RFX2: variants seen among roughly 807,000 people sequenced by gnomAD.
RFX2 encodes the protein regulatory factor X2.
Under a neutral mutation model 87.8 loss-of-function variants are expected in RFX2, and 20 were observed. The observed-to-expected ratio is 0.23, with a 90% CI of 0.16 to 0.33. RFX2 has a LOEUF of 0.33. Among genes scored for constraint, RFX2 ranks in the 10% least tolerant of loss-of-function variants. RFX2 has a pLI of 1.00. For missense variants in RFX2, 767 were observed against 1,012.3 expected (o/e 0.76, Z 3.29); for synonymous variants, 397 against 431.3 (o/e 0.92, Z 0.98).
chr19:6,071,199 T>G (rs2087601633), intron 1 of RFX2, among the ~76,000 whole-genome samples: 1 of 152,206 alleles, frequency 6.6e-6, no homozygotes, highest in South Asian at 2.1e-4. Flanking sequence ...ATGCATTTCT[T>G]GCTAAGTCAT....
chr19:6,093,395 C>A (rs530141854), intron 1 of RFX2, among the ~76,000 whole-genome samples: 1 of 151,998 alleles, frequency 6.6e-6, no homozygotes, highest in Non-Finnish European at 1.5e-5. Flanking sequence ...ATTTGCCGGG[C>A]GTGGTGGCAC....
Position 6,038,360 on chromosome 19 carries a change from C to T in RFX2, c.522+1620G>A, listed in dbSNP as rs370339563. Among the ~76,000 whole-genome samples the T allele has an allele frequency of 1.1e-3, 97 of 89,624 alleles. 1 individual carries two copies. In the South Asian group the frequency reaches 0.016, roughly 15 times the overall value. The allele number at this position is 89,624 out of a possible 152,430, so 58.8% of individuals were successfully genotyped here. On this transcript the variant is annotated intron_variant, in intron 5 of 17. Transcript: ENST00000303657. ...AAAAAAAAAAAAAAAAAACCCAAAA[C>T]AAAAGTAAAACTATAAAACTTTTCA...
chr19:6,098,366 A>C (rs187135068), intron 1 of RFX2, among the ~76,000 whole-genome samples: 1 of 152,230 alleles, frequency 6.6e-6, no homozygotes, highest in East Asian at 1.9e-4. Flanking sequence ...CCCTGCACCG[A>C]GACAGCGCAG....
At chr19:6,106,230 C>CCAT (rs2088214495) in intron 1 of RFX2, among the ~76,000 whole-genome samples, 1 of 149,960 alleles carries the variant, frequency 6.7e-6, no homozygotes, top group Non-Finnish European at 1.5e-5. Context: ...CATCGGCCTG[C>CCAT]CCATCCATCC....
chr19:6,015,692 G>A (rs1460996810), intron 7 of RFX2, among the ~76,000 whole-genome samples: 3 of 152,012 alleles, frequency 2.0e-5, no homozygotes, highest in Non-Finnish European at 2.9e-5. Flanking sequence ...GTAGAGATGA[G>A]GTCTTGCTAT....
At position 6,024,555 on chromosome 19, in the gene RFX2, C is replaced by T. The variant is rs1011656097; in HGVS notation, c.597+1608G>A. Among the ~76,000 whole-genome samples the T allele has an allele frequency of 8.5e-5, 13 of 152,358 alleles. No homozygotes were observed. The highest frequency in any genetic ancestry group is 1.8e-4 in the Non-Finnish European group (12 of 68,038). ...CCCCTGAGGCAAAGGGCAGAGGCCT[C>T]GTCAGGGGCTGCGGTGAGCAGGTGA... On this transcript the variant is annotated intron_variant, in intron 6 of 17. Coordinates refer to ENST00000303657, the MANE Select transcript of RFX2 (RefSeq NM_000635.4). The surrounding 1 kb of genome is among the most constrained non-coding windows in gnomAD (Gnocchi z 5.0).
intron 1 of RFX2, among the ~76,000 whole-genome samples, chr19:6,090,722 A>G (rs2087922210): frequency 6.6e-6 from 1 of 152,234 alleles, no homozygotes; most frequent in Non-Finnish European, 1.5e-5. Flanking sequence ...AAATATTCAT[A>G]GCAGCACTAT....
chr19:6,105,629 C>T (rs2088205064), intron 1 of RFX2, among the ~76,000 whole-genome samples: 1 of 152,176 alleles, frequency 6.6e-6, no homozygotes, highest in African/African-American at 2.4e-5. Context: ...GGCTGAGAGA[C>T]TGCCGAGCAC....
intron 1 of RFX2, among the ~76,000 whole-genome samples, chr19:6,105,479 G>A (rs879680451): frequency 4.6e-5 from 7 of 152,148 alleles, no homozygotes; most frequent in East Asian, 1.9e-4. Context: ...TAGGCTTGGC[G>A]GGGAGTGGAG....
chr19:6,093,267 G>GT (rs1283341909), intron 1 of RFX2, among the ~76,000 whole-genome samples: 1 of 152,222 alleles, frequency 6.6e-6, no homozygotes, highest in East Asian at 1.9e-4. Flanking sequence ...GGGTGCGGTG[G>GT]TTCATGCCTG....
At position 6,002,619 on chromosome 19, in the gene RFX2, G is replaced by A. The variant is rs1220847614; in HGVS notation, c.1650+102C>T. ...ATGCAACAGAACCGTGGCCAGGCTC[G>A]GGGCAGGGGCCAGGTTGTGCCACGG... On this transcript the variant is annotated intron_variant, in intron 14 of 17. Coordinates refer to ENST00000303657, the MANE Select transcript of RFX2 (RefSeq NM_000635.4). The surrounding 1 kb of genome is among the most constrained non-coding windows in gnomAD (Gnocchi z 6.7). 5 of 1,439,742 alleles carry A rather than the reference G, an allele frequency of 3.5e-6. No homozygotes were observed. Among genetic ancestry groups the A allele is most frequent in the South Asian group, 1.3e-5 (1 of 79,750 alleles). 89.2% of individuals were successfully genotyped at this position (1,439,742 alleles called of 1,614,324 possible). A position where few individuals can be genotyped will look rare whatever the true frequency, so the allele number is the denominator to read the frequency against.
intron 3 of RFX2, among the ~76,000 whole-genome samples, chr19:6,042,544 T>C (rs1294341468): frequency 6.6e-6 from 1 of 152,082 alleles, no homozygotes; most frequent in East Asian, 1.9e-4. Flanking sequence ...AGGGTCTCCC[T>C]CTGTAGCTCA....
At chr19:6,090,800 T>A (rs1301630925) in intron 1 of RFX2, among the ~76,000 whole-genome samples, 2 of 152,086 alleles carry the variant, frequency 1.3e-5, no homozygotes, top group Non-Finnish European at 2.9e-5. Flanking sequence ...ACAGATGTGG[T>A]CCACCCATGG....
rs1296051400 is a variant in RFX2, at chr19:5,998,765, T to C, written c.1860-1552A>G. On this transcript the variant is annotated intron_variant, in intron 15 of 17. Coordinates refer to ENST00000303657, the MANE Select transcript of RFX2 (RefSeq NM_000635.4). This position sits in a 1 kb window ranked among gnomAD's most constrained non-coding sequence, Gnocchi z 4.2. ...AACATCGCCTGCGGTCACCCCGGTATCTCTGGGTTCCCAAATGGGCTCGCA... is the reference window on the plus strand; with the variant it reads ...AACATCGCCTGCGGTCACCCCGGTACCTCTGGGTTCCCAAATGGGCTCGCA... Among the ~76,000 whole-genome samples, 5 of 152,194 alleles carry C rather than the reference T, an allele frequency of 3.3e-5. No homozygotes were observed. Among genetic ancestry groups the C allele is most frequent in the African/African-American group, 1.2e-4 (5 of 41,438 alleles).
At chr19:6,035,455 A>G (rs1395604804) in intron 5 of RFX2, among the ~76,000 whole-genome samples, 2 of 152,266 alleles carry the variant, frequency 1.3e-5, no homozygotes, top group Non-Finnish European at 2.9e-5. Context: ...CATTTGGGCA[A>G]CTAATTTTTA....
In RFX2 at chr19:6,026,082, G is replaced by A. The variant is rs1324191293; in HGVS notation, c.597+81C>T. On this transcript the variant is annotated intron_variant, in intron 6 of 17. Coordinates refer to ENST00000303657, the MANE Select transcript of RFX2 (RefSeq NM_000635.4). The surrounding 1 kb of genome is among the most constrained non-coding windows in gnomAD (Gnocchi z 4.5). ...TTACAGGTGTGAGCCACCGCACCTG[G>A]TTGCCTTCATTTGTCTTAAAAATGT... 5 of 1,222,852 alleles carry A rather than the reference G, an allele frequency of 4.1e-6. No individual in the cohort carries two copies. The highest frequency in any genetic ancestry group is 6.0e-6 in the Non-Finnish European group (5 of 834,282). The allele number at this position is 1,222,852 out of a possible 1,614,324, so 75.8% of individuals were successfully genotyped here.
chr19:6,069,379 G>C (rs1262374112), intron 1 of RFX2, among the ~76,000 whole-genome samples: 1 of 152,126 alleles, frequency 6.6e-6, no homozygotes, highest in Admixed American at 6.5e-5. Flanking sequence ...AACATGGGAT[G>C]GGGCCATCAG....
chr19:6,046,328 C>T (rs2144776830), intron 2 of RFX2, among the ~76,000 whole-genome samples: 1 of 152,238 alleles, frequency 6.6e-6, no homozygotes, highest in East Asian at 1.9e-4. Context: ...CGCCTGTAAT[C>T]CCAGCACTTT....
intron 1 of RFX2, among the ~76,000 whole-genome samples, chr19:6,065,507 T>G (rs1001028712): frequency 6.6e-6 from 1 of 151,934 alleles, no homozygotes; most frequent in Admixed American, 6.6e-5. Flanking sequence ...ATTAGCCGGG[T>G]GCGGTGGCGG....
Sources: allele counts gnomAD v4.1 joint callset (sites outside exome capture counted in the v4.1 genomes callset), GRCh38; gene constraint gnomAD v4.1.1; non-coding constraint Gnocchi (gnomAD v3.1); transcripts MANE v1.5; gene names NCBI Gene and HGNC (gene_info 2026-07-23, HGNC 2026-07-21).